The following WDFY2 variants were observed in gnomAD, a reference collection of about 807,000 sequenced individuals.
WDFY2 encodes WD repeat and FYVE domain containing 2.
WDFY2 carries 36 observed loss-of-function variants against 56.4 expected under a neutral mutation model. That is an observed-to-expected ratio of 0.64 (90% confidence interval 0.49 to 0.84). WDFY2 has a LOEUF of 0.84. Among genes scored for constraint, WDFY2 ranks in the 40% least tolerant of loss-of-function variants. The probability of loss-of-function intolerance (pLI) is 0.00; values close to 1 mark genes in which losing one functional copy is unlikely to be tolerated. For missense variants in WDFY2, 444 were observed against 512.2 expected (o/e 0.87, Z 1.29); for synonymous variants, 176 against 183.7 (o/e 0.96, Z 0.34).
intron 1 of WDFY2, among the ~76,000 whole-genome samples, chr13:51,658,185 A>G (rs1447651561): frequency 6.6e-6 from 1 of 152,114 alleles, no homozygotes; most frequent in South Asian, 2.1e-4. Flanking sequence ...TTTCTAAACT[A>G]TTTTTGCAAA....
rs1186661410 is a variant in WDFY2 at position 51,766,413 on chromosome 13, A to G, written c.*6644A>G. 6.6e-6 allele frequency: 1 copy of G among 152,162 alleles called. No homozygotes were observed. The highest frequency in any genetic ancestry group is 1.5e-5 in the Non-Finnish European group (1 of 68,026). 9.4% of individuals were successfully genotyped at this position (152,162 alleles called of 1,614,324 possible). A position where few individuals can be genotyped will look rare whatever the true frequency, so the allele number is the denominator to read the frequency against. On this transcript the variant is annotated 3_prime_UTR_variant, in exon 12 of 12. Coordinates refer to ENST00000298125, the MANE Select transcript of WDFY2 (RefSeq NM_052950.4). ...CTGGCTGCAGTGGGCATATTACCGT[A>G]TGGATATCTTTTTCTTTCTTTTTTT...
At chr13:51,612,024 A>G (rs1440425277) in intron 1 of WDFY2, among the ~76,000 whole-genome samples, 1 of 152,104 alleles carries the variant, frequency 6.6e-6, no homozygotes, top group Non-Finnish European at 1.5e-5. Context: ...GAGCTGCCCT[A>G]CTGCTTGACT....
At chr13:51,694,391 T>C (rs1244220146) in intron 3 of WDFY2, among the ~76,000 whole-genome samples, 1 of 152,196 alleles carries the variant, frequency 6.6e-6, no homozygotes, top group Non-Finnish European at 1.5e-5. Context: ...GGTGACAAAA[T>C]CTCTCAGCAT....
intron 3 of WDFY2, among the ~76,000 whole-genome samples, chr13:51,689,004 C>T (rs1956105433): frequency 6.6e-6 from 1 of 152,206 alleles, no homozygotes; most frequent in African/African-American, 2.4e-5. Flanking sequence ...TGTGATACAT[C>T]AGTGTTCTGG....
chr13:51,585,052 G>T (rs1953910756), intron 1 of WDFY2, among the ~76,000 whole-genome samples: 1 of 152,246 alleles, frequency 6.6e-6, no homozygotes, highest in South Asian at 2.1e-4. Flanking sequence ...TTCACCCCGG[G>T]CTGGGTAGTG....
chr13:51,696,227 A>G (rs756377065), intron 3 of WDFY2, among the ~76,000 whole-genome samples: 8 of 152,202 alleles, frequency 5.3e-5, no homozygotes, highest in African/African-American at 1.9e-4. Flanking sequence ...AGATGAACCC[A>G]GTACCTCAGA....
At position 51,764,921 on chromosome 13, in the gene WDFY2, TTCTAG is replaced by T. The variant is rs1188874697; in HGVS notation, c.*5155_*5159del. Reference sequence around the variant, plus strand: ...CTGGCCCTGTGGCAGGAGAGGATTGTTCTAGTCAAGTGTGGCGTTGCACGGACAGG... The same window carrying T: ...CTGGCCCTGTGGCAGGAGAGGATTGTTCAAGTGTGGCGTTGCACGGACAGG... On this transcript the variant is annotated 3_prime_UTR_variant, in exon 12 of 12. Transcript: ENST00000298125. 2 of 151,958 alleles carry T rather than the reference TTCTAG, an allele frequency of 1.3e-5. No homozygotes were observed. The highest frequency in any genetic ancestry group is 2.4e-5 in the African/African-American group (1 of 41,320). 9.4% of individuals were successfully genotyped at this position (151,958 alleles called of 1,614,324 possible). A position where few individuals can be genotyped will look rare whatever the true frequency, so the allele number is the denominator to read the frequency against.
chr13:51,722,580 T>A (rs984382411), intron 5 of WDFY2, among the ~76,000 whole-genome samples: 2 of 152,214 alleles, frequency 1.3e-5, no homozygotes, highest in African/African-American at 4.8e-5. Context: ...CATTACTTTG[T>A]TCACTGTCAA....
intron 6 of WDFY2, among the ~76,000 whole-genome samples, chr13:51,734,579 C>T (rs1295755969): frequency 6.6e-6 from 1 of 151,948 alleles, no homozygotes; most frequent in Non-Finnish European, 1.5e-5. Context: ...TGAACTTTAC[C>T]GTTTCAACCT....
intron 1 of WDFY2, among the ~76,000 whole-genome samples, chr13:51,604,046 A>G (rs1954337871): frequency 1.3e-5 from 2 of 152,136 alleles, no homozygotes; most frequent in Non-Finnish European, 2.9e-5. Flanking sequence ...AGATCACTGG[A>G]TTTTTCCAGA....
At chr13:51,690,994 A>C (rs565552333) in intron 3 of WDFY2, among the ~76,000 whole-genome samples, 156 of 152,142 alleles carry the variant, frequency 1.0e-3, no homozygotes, top group East Asian at 1.9e-3. Flanking sequence ...TAAATGTCTT[A>C]TTTTGAGAAG....
chr13:51,637,534 G>C (rs1269854451), intron 1 of WDFY2, among the ~76,000 whole-genome samples: 3 of 152,018 alleles, frequency 2.0e-5, no homozygotes, highest in African/African-American at 7.3e-5. Flanking sequence ...AGAGAACTGA[G>C]TGTTACAGGA....
At chr13:51,683,971 A>G in intron 3 of WDFY2, among the ~76,000 whole-genome samples, 1 of 152,032 alleles carries the variant, frequency 6.6e-6, no homozygotes, top group East Asian at 1.9e-4. Context: ...ATCCTCCTAC[A>G]CTAAGCCTTG....
intron 8 of WDFY2, chr13:51,752,977 G>C (rs555697718): frequency 6.6e-6 from 1 of 152,370 alleles, no homozygotes; most frequent in South Asian, 2.1e-4. Context: ...CTTTCTGGAA[G>C]AAAAGGCTTG....
chr13:51,592,598 A>G (rs1157208785), intron 1 of WDFY2: 1 of 151,922 alleles, frequency 6.6e-6, no homozygotes, highest in African/African-American at 2.4e-5. Context: ...ACAAAAATAA[A>G]TAAAATAAAA....
chr13:51,712,805 A>G (rs1187717175), intron 4 of WDFY2, among the ~76,000 whole-genome samples: 5 of 152,060 alleles, frequency 3.3e-5, no homozygotes, highest in Non-Finnish European at 4.4e-5. Context: ...ACATTACTAC[A>G]GAGTCTAGGT....
At chr13:51,752,116 G>A (rs1473617160) in intron 8 of WDFY2, among the ~76,000 whole-genome samples, 1 of 152,072 alleles carries the variant, frequency 6.6e-6, no homozygotes, top group Non-Finnish European at 1.5e-5. Flanking sequence ...AAATTACATA[G>A]AAAAGCAACA....
chr13:51,625,245 G>T (rs1954817909), intron 1 of WDFY2, among the ~76,000 whole-genome samples: 1 of 152,194 alleles, frequency 6.6e-6, no homozygotes, highest in Admixed American at 6.5e-5. Flanking sequence ...TCATAATTCA[G>T]ACTTGGCTTG....
intron 7 of WDFY2, among the ~76,000 whole-genome samples, chr13:51,744,265 C>T (rs1953043293): frequency 6.6e-6 from 1 of 152,176 alleles, no homozygotes; most frequent in African/African-American, 2.4e-5. Context: ...AAGAAATGAA[C>T]AATGCTATAC....
Sources: gnomAD v4.1 joint callset for allele counts (sites outside exome capture counted in the v4.1 genomes callset) on GRCh38, gnomAD v4.1.1 for gene constraint, MANE v1.5 for transcripts, NCBI Gene and HGNC (gene_info 2026-07-23, HGNC 2026-07-21) for gene names.